PTH2R: variants seen among roughly 807,000 people sequenced by gnomAD.
PTH2R encodes the protein PTH2 receptor.
PTH2R carries 59 observed loss-of-function variants against 60.3 expected under a neutral mutation model. The observed-to-expected ratio is 0.98, with a 90% CI of 0.79 to 1.22. The LOEUF is 1.22. Ranked by LOEUF, PTH2R falls within the 50% of genes most tolerant of loss-of-function variation. The probability of loss-of-function intolerance (pLI) is 0.00; values close to 1 mark genes in which losing one functional copy is unlikely to be tolerated. For synonymous variants in PTH2R, 256 were observed against 243.8 expected, an observed-to-expected ratio of 1.05 and a Z score of -0.47; for missense variants, 749 against 682.6, an observed-to-expected ratio of 1.10 and a Z score of -1.08.
At chr2:208,465,035 G>C (rs1574897892) in intron 9 of PTH2R, among the ~76,000 whole-genome samples, 1 of 152,250 alleles carries the variant, frequency 6.6e-6, no homozygotes, top group East Asian at 1.9e-4. Context: ...GAGTGCAGTG[G>C]TGCAATCATG....
intron 2 of PTH2R, among the ~76,000 whole-genome samples, chr2:208,435,989 C>T (rs535179801): frequency 1.3e-5 from 2 of 152,246 alleles, no homozygotes; most frequent in Non-Finnish European, 1.5e-5. Context: ...CATCACTAAT[C>T]GAAAGGAGTC....
At chr2:208,392,282 A>G (rs1188948453) in intron 1 of PTH2R, among the ~76,000 whole-genome samples, 1 of 152,100 alleles carries the variant, frequency 6.6e-6, no homozygotes, top group African/African-American at 2.4e-5. Context: ...CTGCACTCCT[A>G]ATATTGGGGT....
At chr2:208,461,117 T>G (rs146464327) in intron 9 of PTH2R, among the ~76,000 whole-genome samples, 2 of 152,280 alleles carry the variant, frequency 1.3e-5, no homozygotes, top group African/African-American at 4.8e-5. Context: ...AGAACACGTT[T>G]AGAGAAGCTA....
intron 1 of PTH2R, among the ~76,000 whole-genome samples, chr2:208,387,240 A>T (rs1477875046): frequency 1.3e-5 from 2 of 152,214 alleles, no homozygotes; most frequent in African/African-American, 4.8e-5. Context: ...ATGAGATAGA[A>T]AGAACATATA....
chr2:208,450,517 G>A (rs183598375), intron 7 of PTH2R, among the ~76,000 whole-genome samples: 1 of 152,134 alleles, frequency 6.6e-6, no homozygotes, highest in Admixed American at 6.5e-5. Context: ...TGAAAATTAG[G>A]CCAGTTTTTA....
At chr2:208,359,907 G>A (rs1574799400) in exon 1 of PTH2R, 2 of 224,764 alleles carry the variant, frequency 8.9e-6, no homozygotes, top group Non-Finnish European at 1.8e-5. Context: ...TGCGCAGGGA[G>A]ACCGGGAGGT....
chr2:208,461,346 T>C (rs982801841), intron 9 of PTH2R, among the ~76,000 whole-genome samples: 4 of 152,146 alleles, frequency 2.6e-5, no homozygotes, highest in African/African-American at 7.2e-5. Context: ...AACTTAAAGA[T>C]AAAAATTAAC....
At chr2:208,479,439 C>T (rs1380486053) in intron 9 of PTH2R, among the ~76,000 whole-genome samples, 1 of 152,206 alleles carries the variant, frequency 6.6e-6, no homozygotes, top group Non-Finnish European at 1.5e-5. Flanking sequence ...CTTCACCCAG[C>T]AGTTCCATGC....
At chr2:208,388,539 C>T (rs1022856632) in intron 1 of PTH2R, among the ~76,000 whole-genome samples, 28 of 152,130 alleles carry the variant, frequency 1.8e-4, no homozygotes, top group African/African-American at 5.8e-4. Flanking sequence ...ATATTTATCT[C>T]CCTATCCTTA....
Position 208,450,318 on chromosome 2 carries a change from T to C in PTH2R, c.854-431T>C, listed in dbSNP as rs535177067. On this transcript the variant is annotated intron_variant, in intron 7 of 12. Coordinates refer to ENST00000272847, the MANE Select transcript of PTH2R (RefSeq NM_005048.4). ...CTCAGTATGCCTTCCATTTTTAGGA[T>C]GAAAAAATTCTAAGTTTTTAAAACA... 2.0e-5 allele frequency among the ~76,000 whole-genome samples: 3 copies of C among 152,340 alleles called. No individual in the cohort carries two copies. In the South Asian group the frequency reaches 6.2e-4, roughly 32 times the overall value.
upstream of PTH2R, among the ~76,000 whole-genome samples, chr2:208,404,661 A>T (rs1701368326): frequency 6.6e-6 from 1 of 151,350 alleles, no homozygotes; most frequent in South Asian, 2.1e-4. Flanking sequence ...AATTAAACAG[A>T]GAGAAAGACA....
At chr2:208,463,802 G>A (rs1702680426) in intron 9 of PTH2R, among the ~76,000 whole-genome samples, 1 of 152,200 alleles carries the variant, frequency 6.6e-6, no homozygotes, top group African/African-American at 2.4e-5. Flanking sequence ...ATATCAGGAA[G>A]TGGCTGTTCA....
At chr2:208,428,324 G>A in intron 2 of PTH2R, 21 bp downstream of exon 2, 2 of 1,557,968 alleles carry the variant, frequency 1.3e-6, no homozygotes, top group African/African-American at 1.4e-5. Flanking sequence ...CAAGAAAATT[G>A]GCTCTCCTTG....
At chr2:208,442,304 C>A in intron 4 of PTH2R, 60 bp from the exon 5 acceptor site, 1 of 1,222,400 alleles carries the variant, frequency 8.2e-7, no homozygotes, top group Non-Finnish European at 1.2e-6. Flanking sequence ...CATACTATTT[C>A]TTTGCCAGTT....
At chr2:208,427,369 G>T (rs539892071) in intron 1 of PTH2R, among the ~76,000 whole-genome samples, 1 of 152,262 alleles carries the variant, frequency 6.6e-6, no homozygotes, top group South Asian at 2.1e-4. Flanking sequence ...TGATATGTGA[G>T]ATTTTAGGCT....
chr2:208,449,281 A>G (rs1455600975), intron 7 of PTH2R, among the ~76,000 whole-genome samples: 1 of 152,216 alleles, frequency 6.6e-6, no homozygotes, highest in African/African-American at 2.4e-5. Flanking sequence ...GCACCAATTC[A>G]TAACCAAAAG....
At chr2:208,436,762 C>G (rs1156504584) in intron 2 of PTH2R, among the ~76,000 whole-genome samples, 1 of 152,098 alleles carries the variant, frequency 6.6e-6, no homozygotes, top group Non-Finnish European at 1.5e-5. Context: ...CTGGACTGTT[C>G]CAGGCAGTTC....
At chr2:208,447,413 C>T (rs1702308274) in intron 7 of PTH2R, among the ~76,000 whole-genome samples, 1 of 151,794 alleles carries the variant, frequency 6.6e-6, no homozygotes, top group African/African-American at 2.4e-5. Flanking sequence ...ACGGTGAATC[C>T]CTGCCTCTAC....
chr2:208,393,235 C>A (rs866371585), intron 1 of PTH2R, among the ~76,000 whole-genome samples: 1 of 152,280 alleles, frequency 6.6e-6, no homozygotes, highest in Middle Eastern at 3.4e-3. Context: ...TAGCTTCCTT[C>A]TAATGTGGGG....
Sources: gnomAD v4.1 joint callset for allele counts (sites outside exome capture counted in the v4.1 genomes callset) on GRCh38, gnomAD v4.1.1 for gene constraint, MANE v1.5 for transcripts, NCBI Gene and HGNC (gene_info 2026-07-23, HGNC 2026-07-21) for gene names.